Variants in NAA15 observed in about 807,000 individuals in gnomAD.
NAA15 encodes the protein N-alpha-acetyltransferase 15, NatA auxiliary subunit.
NAA15 carries 34 observed loss-of-function variants against 114.0 expected under a neutral mutation model. That is an observed-to-expected ratio of 0.30 (90% CI 0.23 to 0.40). NAA15 has a LOEUF of 0.40. NAA15 is among the 10% of genes least tolerant of loss of function. NAA15 has a pLI of 1.00. For synonymous variants in NAA15, 340 were observed against 338.0 expected, an observed-to-expected ratio of 1.01 and a Z score of -0.06; for missense variants, 658 against 1,004.5, an observed-to-expected ratio of 0.66 and a Z score of 4.66.
At chr4:139,355,132 G>A (rs1286449606) in intron 10 of NAA15, among the ~76,000 whole-genome samples, 1 of 152,012 alleles carries the variant, frequency 6.6e-6, no homozygotes, top group Non-Finnish European at 1.5e-5. Flanking sequence ...GCCTGCTTCG[G>A]CCTCCCAAAG....
chr4:139,388,199 TG>T lies in NAA15; in HGVS notation c.*116del. The T allele has an allele frequency of 1.3e-6, 1 of 792,436 alleles. No homozygotes were observed. The highest frequency in any genetic ancestry group is 2.0e-5 in the South Asian group (1 of 50,928). 49.1% of individuals were successfully genotyped at this position (792,436 alleles called of 1,614,324 possible). A position where few individuals can be genotyped will look rare whatever the true frequency, so the allele number is the denominator to read the frequency against. ...ACAGAATGAGAGGAGTAAATGTTCT[TG>T]CCTTCAAATAGTGTTTTACGTTTTT... On this transcript the variant is annotated 3_prime_UTR_variant, in exon 20 of 20. Transcript: ENST00000296543.
chr4:139,345,735 C>G (rs191240073), intron 6 of NAA15, among the ~76,000 whole-genome samples: 4 of 152,174 alleles, frequency 2.6e-5, no homozygotes, highest in African/African-American at 7.2e-5. Flanking sequence ...CCTGGCTAAT[C>G]TGGTGAAACC....
intron 1 of NAA15, among the ~76,000 whole-genome samples, chr4:139,315,911 T>C (rs1474472569): frequency 6.6e-6 from 1 of 151,770 alleles, no homozygotes; most frequent in Non-Finnish European, 1.5e-5. Flanking sequence ...TTCTATTTGG[T>C]TTATCAGCTT....
At chr4:139,320,012 T>G (rs1746545666) in intron 1 of NAA15, among the ~76,000 whole-genome samples, 1 of 152,240 alleles carries the variant, frequency 6.6e-6, no homozygotes, top group African/African-American at 2.4e-5. Flanking sequence ...TTAAAAAAAT[T>G]GTTTCAGAGT....
chr4:139,336,721 A>G (rs920846887), intron 2 of NAA15, 127 bp from the exon 3 acceptor site: 1 of 458,962 alleles, frequency 2.2e-6, no homozygotes, highest in African/African-American at 2.0e-5. Flanking sequence ...TATCTTAGTA[A>G]TCTCCTTGAC....
chr4:139,376,250 T>C (rs946187094), intron 15 of NAA15, 115 bp from the exon 16 acceptor site: 2 of 645,158 alleles, frequency 3.1e-6, no homozygotes, highest in Non-Finnish European at 5.2e-6. Context: ...GACAGTGTTT[T>C]TCTGGGTGAC....
chr4:139,350,780 G>T (rs1224210671), intron 7 of NAA15, among the ~76,000 whole-genome samples: 1 of 152,040 alleles, frequency 6.6e-6, no homozygotes, highest in Non-Finnish European at 1.5e-5. Context: ...GTACCAATTA[G>T]GAATCTGAAA....
intron 17 of NAA15, 101 bp from the exon 18 acceptor site, chr4:139,384,731 G>C (rs1337860979): frequency 2.7e-6 from 2 of 731,174 alleles, no homozygotes; most frequent in Admixed American, 4.3e-5. Flanking sequence ...CTCCAGCCTG[G>C]GTGATAGAGC....
intron 14 of NAA15, among the ~76,000 whole-genome samples, chr4:139,362,478 G>T (rs1483095853): frequency 6.6e-6 from 1 of 152,060 alleles, no homozygotes; most frequent in Non-Finnish European, 1.5e-5. Context: ...TCACCATGTT[G>T]TCCAGGCTGG....
intron 17 of NAA15, among the ~76,000 whole-genome samples, chr4:139,384,421 T>C (rs1748835122): frequency 6.6e-6 from 1 of 152,206 alleles, no homozygotes; most frequent in African/African-American, 2.4e-5. Flanking sequence ...GACGCTGCAG[T>C]GAGCCATGAT....
intron 3 of NAA15, among the ~76,000 whole-genome samples, 182 bp from the exon 4 acceptor site, chr4:139,340,730 A>G (rs1747356008): frequency 6.6e-6 from 1 of 152,228 alleles, no homozygotes; most frequent in African/African-American, 2.4e-5. Flanking sequence ...TGGCTGCAAA[A>G]GCTGTGCTCT....
chr4:139,363,625 T>G (rs192814479), intron 14 of NAA15, among the ~76,000 whole-genome samples: 1 of 152,380 alleles, frequency 6.6e-6, no homozygotes, highest in African/African-American at 2.4e-5. Context: ...TTTTCACCAT[T>G]ATAGTACTAT....
At position 139,341,074 on chromosome 4, in the gene NAA15, G is replaced by A. The variant is rs1015790546; in HGVS notation, c.402+5G>A. 4 of 1,500,788 alleles carry A rather than the reference G, an allele frequency of 2.7e-6. No individual in the cohort carries two copies. In the African/African-American group the frequency reaches 5.7e-5, roughly 21 times the overall value. The allele number at this position is 1,500,788 out of a possible 1,614,324, so 93.0% of individuals were successfully genotyped here. ...CGAGATCTTGAGGGTTACAGGGTAAGTAAAATAGAGACTTTTTTTTTTAAT... is the reference window on the plus strand; with the variant it reads ...CGAGATCTTGAGGGTTACAGGGTAAATAAAATAGAGACTTTTTTTTTTAAT... On this transcript the variant is annotated splice_donor_5th_base_variant and intron_variant, in intron 4 of 19. Transcript: ENST00000296543.
chr4:139,343,105 GT>G (rs1747467989), intron 5 of NAA15, 145 bp downstream of exon 5: 1 of 610,420 alleles, frequency 1.6e-6, no homozygotes, highest in African/African-American at 1.9e-5. Context: ...CTACATAGGG[GT>G]TCATTCATAC....
At chr4:139,340,872 T>C in intron 3 of NAA15, 40 bp from the exon 4 acceptor site, 1 of 1,437,280 alleles carries the variant, frequency 7.0e-7, no homozygotes, top group Non-Finnish European at 9.2e-7. Context: ...GGAATAGTAA[T>C]TTTTGACTTG....
intron 1 of NAA15, among the ~76,000 whole-genome samples, chr4:139,303,244 T>C (rs1168279239): frequency 6.6e-6 from 1 of 152,186 alleles, no homozygotes; most frequent in African/African-American, 2.4e-5. Context: ...AGCTGTAAAA[T>C]AGTTTTAGGA....
intron 1 of NAA15, among the ~76,000 whole-genome samples, chr4:139,317,449 C>CT (rs1746449064): frequency 6.6e-6 from 1 of 152,110 alleles, no homozygotes; most frequent in African/African-American, 2.4e-5. Context: ...TGGTGAAACC[C>CT]GTCTCTACTA....
intron 6 of NAA15, among the ~76,000 whole-genome samples, chr4:139,345,224 C>T (rs1747542232): frequency 1.3e-5 from 2 of 152,158 alleles, no homozygotes; most frequent in African/African-American, 4.8e-5. Context: ...TCTAAGACTT[C>T]TGGAGGGAGC....
At chr4:139,361,193 A>G (rs538792794) in intron 13 of NAA15, among the ~76,000 whole-genome samples, 13 of 152,288 alleles carry the variant, frequency 8.5e-5, no homozygotes, top group African/African-American at 1.4e-4. Flanking sequence ...ATTGTCAAGT[A>G]TAGAATACCA....
Sources: allele counts gnomAD v4.1 joint callset (sites outside exome capture counted in the v4.1 genomes callset), GRCh38; gene constraint gnomAD v4.1.1; transcripts MANE v1.5; gene names NCBI Gene and HGNC (gene_info 2026-07-23, HGNC 2026-07-21).